EXOC2: variants seen among roughly 807,000 people sequenced by gnomAD.
EXOC2 encodes exocyst complex component 2, also known as SEC5-like 1.
EXOC2 carries 70 observed loss-of-function variants against 131.8 expected under a neutral mutation model. The observed-to-expected ratio is 0.53, with a 90% CI of 0.44 to 0.65. The LOEUF is 0.65. EXOC2 is among the 30% of genes least tolerant of loss of function. The pLI is 0.00. For missense variants in EXOC2, 923 were observed against 1,108.6 expected, an observed-to-expected ratio of 0.83 and a Z score of 2.38; for synonymous variants, 411 against 398.4, an observed-to-expected ratio of 1.03 and a Z score of -0.38.
chr6:490,933 T>C (rs1763392529), intron 26 of EXOC2, among the ~76,000 whole-genome samples, 192 bp downstream of exon 26: 2 of 152,224 alleles, frequency 1.3e-5, no homozygotes, highest in Admixed American at 1.3e-4. Flanking sequence ...GATTTGTCAG[T>C]AGTAAATGAA....
rs116883437 is a variant in EXOC2 at position 568,253 on chromosome 6, G to A, written c.1444-3324C>T. Among the ~76,000 whole-genome samples the A allele has an allele frequency of 1.4e-3, 212 of 152,320 alleles. 3 individuals are homozygous for A. The East Asian group carries it at 0.025, about 18-fold the overall frequency. ...CCTCTCCGGGATGTGGATGGGCCTC[G>A]CTCAATCAGTTGAAGGCCTGAACAG... On this transcript the variant is annotated intron_variant, in intron 13 of 27. Coordinates refer to ENST00000230449, the MANE Select transcript of EXOC2 (RefSeq NM_018303.6).
intron 1 of EXOC2, among the ~76,000 whole-genome samples, chr6:642,037 T>C (rs1762378514): frequency 6.6e-6 from 1 of 152,114 alleles, no homozygotes; most frequent in East Asian, 1.9e-4. Context: ...GCCTACTTCA[T>C]CTCCACCACT....
intron 6 of EXOC2, 49 bp downstream of exon 6, chr6:617,662 G>A (rs750285700): frequency 1.7e-5 from 27 of 1,590,838 alleles, no homozygotes; most frequent in Middle Eastern, 1.7e-4. Context: ...GGCAGTGCCG[G>A]GTTTCCATGG....
intron 20 of EXOC2, 152 bp from the exon 21 acceptor site, chr6:554,072 C>A: frequency 1.5e-6 from 1 of 657,664 alleles, no homozygotes; most frequent in Middle Eastern, 3.8e-4. Flanking sequence ...TGAAGTCTTG[C>A]TCTTGTCCCC....
At chr6:627,983 A>G (rs942033195) in intron 4 of EXOC2, among the ~76,000 whole-genome samples, 2 of 152,238 alleles carry the variant, frequency 1.3e-5, no homozygotes, top group African/African-American at 2.4e-5. Context: ...TGGAATCTTA[A>G]GTCATTAAAC....
At chr6:597,916 T>C (rs1307270722) in intron 10 of EXOC2, 105 bp downstream of exon 10, 4 of 737,296 alleles carry the variant, frequency 5.4e-6, no homozygotes, top group Non-Finnish European at 8.8e-6. Flanking sequence ...CCTTCACCAT[T>C]TCATCAATCT....
intron 1 of EXOC2, among the ~76,000 whole-genome samples, chr6:678,668 C>T (rs555948212): frequency 2.0e-5 from 3 of 152,298 alleles, no homozygotes; most frequent in African/African-American, 4.8e-5. Flanking sequence ...AGTACACAAT[C>T]GTGATTACCT....
chr6:503,857 C>G (rs927846975), intron 23 of EXOC2, among the ~76,000 whole-genome samples: 1 of 152,116 alleles, frequency 6.6e-6, no homozygotes, highest in Admixed American at 6.5e-5. Flanking sequence ...GTAGCACGCC[C>G]GCACCCTCGC....
chr6:586,067 T>C (rs1759187094), intron 11 of EXOC2, among the ~76,000 whole-genome samples: 1 of 152,250 alleles, frequency 6.6e-6, no homozygotes, highest in Admixed American at 6.5e-5. Flanking sequence ...GGCAGTCCTT[T>C]TACCGCAGAT....
At chr6:523,253 A>G (rs1236756590) in intron 23 of EXOC2, among the ~76,000 whole-genome samples, 1 of 152,156 alleles carries the variant, frequency 6.6e-6, no homozygotes, top group Non-Finnish European at 1.5e-5. Context: ...TTCAGGGCAC[A>G]CTCTTGAGAT....
chr6:558,252 CATGTT>C (rs1437601094), intron 17 of EXOC2, among the ~76,000 whole-genome samples: 5 of 152,174 alleles, frequency 3.3e-5, no homozygotes, highest in African/African-American at 1.2e-4. Flanking sequence ...GCTTTAATGT[CATGTT>C]ATTTCTGCAC....
rs1382739346 is a variant in EXOC2 at position 676,770 on chromosome 6, C to T, written c.-44+16249G>A. The stretch of plus-strand genomic sequence containing the variant: ...ATACTCTTCAGCATTACGGAAAGGA[C>T]AGGTTCCTCGGGAGACTCTGCGGTT... On this transcript the variant is annotated intron_variant, in intron 1 of 27. Transcript: ENST00000230449. 2.2e-5 allele frequency among the ~76,000 whole-genome samples: 2 copies of T among 89,998 alleles called. 1 individual carries two copies. Among genetic ancestry groups the T allele is most frequent in the Admixed American group, 2.5e-4 (2 of 8,002 alleles). The allele number at this position is 89,998 out of a possible 152,430, so 59.0% of individuals were successfully genotyped here.
At chr6:641,838 G>A (rs1169713903) in intron 1 of EXOC2, among the ~76,000 whole-genome samples, 1 of 151,424 alleles carries the variant, frequency 6.6e-6, no homozygotes, top group Non-Finnish European at 1.5e-5. Flanking sequence ...TGGTAACTCT[G>A]CCCCATTTTC....
chr6:604,462 G>T (rs774190770), intron 7 of EXOC2, among the ~76,000 whole-genome samples: 1 of 152,036 alleles, frequency 6.6e-6, no homozygotes, highest in Non-Finnish European at 1.5e-5. Context: ...TGCCTCTGGC[G>T]TACCTCCCTT....
intron 1 of EXOC2, among the ~76,000 whole-genome samples, chr6:654,834 A>AAAAAAAAAAT (rs1762995908): frequency 7.0e-6 from 1 of 143,234 alleles, no homozygotes; most frequent in Non-Finnish European, 1.5e-5. Flanking sequence ...AAAAAAAAAA[A>AAAAAAAAAAT]AAAGTAGAGC....
intron 4 of EXOC2, among the ~76,000 whole-genome samples, chr6:623,890 G>C (rs1177950296): frequency 6.6e-6 from 1 of 152,170 alleles, no homozygotes; most frequent in African/African-American, 2.4e-5. Context: ...AACCACAATT[G>C]CTAAGGAAAT....
intron 10 of EXOC2, among the ~76,000 whole-genome samples, chr6:596,274 G>A (rs904411642): frequency 2.6e-5 from 4 of 151,766 alleles, no homozygotes; most frequent in African/African-American, 7.3e-5. Flanking sequence ...TACTCCCGCC[G>A]TACGCCTCAT....
At chr6:551,263 C>T (rs1384673710) in intron 21 of EXOC2, among the ~76,000 whole-genome samples, 5 of 152,172 alleles carry the variant, frequency 3.3e-5, no homozygotes, top group Admixed American at 1.3e-4. Flanking sequence ...ACACAGGATG[C>T]GAACCAGTGT....
At chr6:509,492 C>T (rs545248015) in intron 23 of EXOC2, among the ~76,000 whole-genome samples, 141 of 152,286 alleles carry the variant, frequency 9.3e-4, no homozygotes, top group African/African-American at 3.2e-3. Context: ...CTAATATATG[C>T]TCCTCCTCAG....
Sources: allele counts gnomAD v4.1 joint callset (sites outside exome capture counted in the v4.1 genomes callset), GRCh38; gene constraint gnomAD v4.1.1; transcripts MANE v1.5; gene names NCBI Gene and HGNC (gene_info 2026-07-23, HGNC 2026-07-21).